The following SGCZ variants were observed in gnomAD, a reference collection of about 807,000 sequenced individuals.
The protein encoded by SGCZ is zeta-sarcoglycan.
In SGCZ, 40 loss-of-function variants were observed where a neutral mutation model predicts 41.3. The ratio of observed to expected loss-of-function variants is 0.97; its 90% CI spans 0.75 to 1.26. The LOEUF (loss-of-function observed/expected upper bound fraction) is 1.26. SGCZ is among the 50% of genes most tolerant of loss of function. The pLI is 0.00. For synonymous variants in SGCZ, 206 were observed against 137.5 expected (o/e 1.50, Z -3.49); for missense variants, 552 against 369.8 (o/e 1.49, Z -4.04).
At chr8:14,909,622 C>A (rs1799225011) in intron 1 of SGCZ, among the ~76,000 whole-genome samples, 1 of 151,898 alleles carries the variant, frequency 6.6e-6, no homozygotes, top group African/African-American at 2.4e-5. Flanking sequence ...ATATTTAAGT[C>A]TTTTAGTAAA....
intron 2 of SGCZ, among the ~76,000 whole-genome samples, chr8:14,442,297 G>A (rs1240384543): frequency 6.6e-6 from 1 of 152,124 alleles, no homozygotes; most frequent in Non-Finnish European, 1.5e-5. Flanking sequence ...CATGAGATCT[G>A]ATGGTTTTAT....
chr8:14,841,903 C>T (rs895210139), intron 1 of SGCZ, among the ~76,000 whole-genome samples: 2 of 152,104 alleles, frequency 1.3e-5, no homozygotes, highest in Non-Finnish European at 2.9e-5. Context: ...GACCTGCAGC[C>T]CTGTGCTCTT....
At chr8:14,600,896 TA>T (rs1441925116) in intron 1 of SGCZ, among the ~76,000 whole-genome samples, 18 of 151,316 alleles carry the variant, frequency 1.2e-4, no homozygotes, top group Admixed American at 8.5e-4. Flanking sequence ...AGCCTTCTGA[TA>T]TTTTTTTTTT....
chr8:14,344,470 T>C (rs1563269788), intron 2 of SGCZ, among the ~76,000 whole-genome samples: 1 of 152,082 alleles, frequency 6.6e-6, no homozygotes. Context: ...GACAGCTAAC[T>C]TCTTAAAAAA....
At chr8:14,452,206 C>T (rs947525615) in intron 2 of SGCZ, among the ~76,000 whole-genome samples, 2 of 152,066 alleles carry the variant, frequency 1.3e-5, no homozygotes, top group African/African-American at 4.8e-5. Context: ...AGAAGTCAAT[C>T]TGACAAAGAT....
At chr8:14,238,140 T>C (rs777757823) in intron 3 of SGCZ, among the ~76,000 whole-genome samples, 4 of 152,184 alleles carry the variant, frequency 2.6e-5, no homozygotes, top group African/African-American at 9.7e-5. Flanking sequence ...ATCCTCAAAC[T>C]CCCAATGTCC....
intron 1 of SGCZ, among the ~76,000 whole-genome samples, chr8:14,622,807 T>A (rs76793094): frequency 6.6e-6 from 1 of 152,220 alleles, no homozygotes; most frequent in Non-Finnish European, 1.5e-5. Context: ...ATGTTATTAG[T>A]GGCTTCCAGT....
intron 1 of SGCZ, among the ~76,000 whole-genome samples, chr8:15,063,838 T>C (rs1404639488): frequency 6.6e-6 from 1 of 152,212 alleles, no homozygotes; most frequent in Non-Finnish European, 1.5e-5. Context: ...TATAGTTTCT[T>C]CATAAGAAGA....
chr8:14,217,017 G>T (rs1037496594), intron 4 of SGCZ, among the ~76,000 whole-genome samples: 3 of 152,186 alleles, frequency 2.0e-5, no homozygotes, highest in African/African-American at 7.2e-5. Flanking sequence ...GATGGGCACG[G>T]TGGCTCACGC....
intron 1 of SGCZ, 32 bp downstream of exon 1, chr8:15,237,553 C>G: frequency 6.3e-7 from 1 of 1,582,126 alleles, no homozygotes; most frequent in Non-Finnish European, 8.6e-7. Context: ...CGCCGAGAAG[C>G]GGCCGCGAAG....
chr8:15,111,171 T>G (rs140802763), intron 1 of SGCZ, among the ~76,000 whole-genome samples: 1 of 151,968 alleles, frequency 6.6e-6, no homozygotes. Flanking sequence ...TTCATAAACA[T>G]GACTCAAAAG....
intron 1 of SGCZ, among the ~76,000 whole-genome samples, chr8:15,146,791 A>C (rs544312767): frequency 2.0e-5 from 3 of 152,272 alleles, no homozygotes; most frequent in African/African-American, 7.2e-5. Context: ...CAAATGCATG[A>C]TCTTTTCTGA....
intron 1 of SGCZ, among the ~76,000 whole-genome samples, chr8:15,195,582 G>A (rs1294039498): frequency 1.3e-5 from 2 of 152,022 alleles, no homozygotes; most frequent in African/African-American, 4.8e-5. Flanking sequence ...TAACCCTTTG[G>A]TGACAAGAGT....
Position 14,827,561 on chromosome 8 carries a change from G to A in SGCZ, c.40-272635C>T, listed in dbSNP as rs145040698. On this transcript the variant is annotated intron_variant, in intron 1 of 7. Coordinates refer to ENST00000382080, the MANE Select transcript of SGCZ (RefSeq NM_139167.4). ...ATTCCATGTCAAATGGTCATGCACA[G>A]AGTCAATGTGGGAAGGAACTGCACG... Among the ~76,000 whole-genome samples the A allele has an allele frequency of 2.0e-5, 3 of 152,238 alleles. No homozygotes were observed. The East Asian group carries it at 5.8e-4, about 29-fold the overall frequency.
At chr8:14,606,585 A>C (rs1306421867) in intron 1 of SGCZ, among the ~76,000 whole-genome samples, 1 of 152,192 alleles carries the variant, frequency 6.6e-6, no homozygotes, top group Non-Finnish European at 1.5e-5. Context: ...CCCCCATCAT[A>C]GTAGCCTGTT....
chr8:14,351,567 T>G (rs1479649743), intron 2 of SGCZ, among the ~76,000 whole-genome samples: 1 of 151,110 alleles, frequency 6.6e-6, no homozygotes, highest in Non-Finnish European at 1.5e-5. Flanking sequence ...GAAGGATATA[T>G]AATATATAAT....
intron 1 of SGCZ, among the ~76,000 whole-genome samples, chr8:14,925,792 A>C (rs1799728659): frequency 6.6e-6 from 1 of 152,144 alleles, no homozygotes; most frequent in Admixed American, 6.5e-5. Context: ...AATCAATTCC[A>C]TGTCCCTTAT....
intron 1 of SGCZ, among the ~76,000 whole-genome samples, chr8:14,846,108 A>G (rs1313153074): frequency 2.0e-5 from 3 of 152,170 alleles, no homozygotes; most frequent in African/African-American, 7.2e-5. Context: ...ACCTCTCTCA[A>G]TAATTTTATT....
At chr8:14,673,496 G>A (rs539944583) in intron 1 of SGCZ, among the ~76,000 whole-genome samples, 4 of 151,950 alleles carry the variant, frequency 2.6e-5, no homozygotes, top group African/African-American at 9.6e-5. Flanking sequence ...ATCTTCTGAA[G>A]TAGGTGCCTG....
Sources: gnomAD v4.1 joint callset for allele counts (sites outside exome capture counted in the v4.1 genomes callset) on GRCh38, gnomAD v4.1.1 for gene constraint, MANE v1.5 for transcripts, NCBI Gene and HGNC (gene_info 2026-07-23, HGNC 2026-07-21) for gene names.